XRN2: variants seen among roughly 807,000 people sequenced by gnomAD.
XRN2 encodes the protein 5'-3' exoribonuclease 2.
In XRN2, 44 loss-of-function variants were observed where a neutral mutation model predicts 138.5. The ratio of observed to expected loss-of-function variants is 0.32; its 90% CI spans 0.25 to 0.41. XRN2 has a LOEUF of 0.41. XRN2 is among the 10% of genes least tolerant of loss of function. The probability of loss-of-function intolerance (pLI) is 1.00; values close to 1 mark genes in which losing one functional copy is unlikely to be tolerated. For missense variants in XRN2, 937 were observed against 1,169.3 expected, an observed-to-expected ratio of 0.80 and a Z score of 2.90; for synonymous variants, 354 against 369.4, an observed-to-expected ratio of 0.96 and a Z score of 0.48.
Position 21,368,488 on chromosome 20 carries a change from A to G in XRN2, c.2482A>G (p.Thr828Ala). The change falls in exon 27 of 30, where the codon ACT becomes GCT. Residue 828 changes from threonine (T) to alanine (A), a missense_variant. Transcript: ENST00000377191. ...LGHVMPRGSGTGIYSNAAPPP... is the reference protein window; with the variant it reads ...LGHVMPRGSGAGIYSNAAPPP... Reference sequence around the variant, plus strand: ...CCATGTGATGCCAAGAGGCTCAGGAACTGGCATTTACAGCAATGCTGCACC... The same window carrying G: ...CCATGTGATGCCAAGAGGCTCAGGAGCTGGCATTTACAGCAATGCTGCACC... 4 of 1,614,050 alleles carry G rather than the reference A, an allele frequency of 2.5e-6. No homozygotes were observed. The highest frequency in any genetic ancestry group is 3.4e-6 in the Non-Finnish European group (4 of 1,179,950).
At chr20:21,387,703 T>G (rs541758100) in intron 29 of XRN2, among the ~76,000 whole-genome samples, 1 of 152,302 alleles carries the variant, frequency 6.6e-6, no homozygotes, top group East Asian at 1.9e-4. Context: ...GAATCCTTAC[T>G]AGAGAACAAG....
At chr20:21,316,766 T>A (rs758277492) in intron 1 of XRN2, among the ~76,000 whole-genome samples, 1 of 152,218 alleles carries the variant, frequency 6.6e-6, no homozygotes, top group Non-Finnish European at 1.5e-5. Flanking sequence ...TCCATAAATA[T>A]GGGATGTTAT....
At chr20:21,386,527 G>A (rs749476696) in intron 28 of XRN2, among the ~76,000 whole-genome samples, 2 of 152,106 alleles carry the variant, frequency 1.3e-5, no homozygotes, top group African/African-American at 2.4e-5. Flanking sequence ...TTTACTCTTT[G>A]GATAGCATCT....
intron 27 of XRN2, among the ~76,000 whole-genome samples, chr20:21,370,587 C>CA (rs2038750452): frequency 6.6e-6 from 1 of 152,190 alleles, no homozygotes; most frequent in African/African-American, 2.4e-5. Context: ...ATGCTACCTA[C>CA]AATATAGCCA....
intron 13 of XRN2, among the ~76,000 whole-genome samples, chr20:21,336,573 T>C (rs1371102916): frequency 1.3e-5 from 2 of 152,248 alleles, no homozygotes; most frequent in Admixed American, 6.5e-5. Context: ...TGTTCATTTA[T>C]TAAGCAAATA....
chr20:21,369,399 G>A (rs1412748056), intron 27 of XRN2, among the ~76,000 whole-genome samples: 3 of 152,296 alleles, frequency 2.0e-5, no homozygotes, highest in South Asian at 2.1e-4. Context: ...TCTCCTTGAC[G>A]TACTGATTTC....
intron 1 of XRN2, chr20:21,303,753 C>G: frequency 8.4e-7 from 1 of 1,192,044 alleles, no homozygotes; most frequent in Non-Finnish European, 1.0e-6. Context: ...TTCCCGGCAC[C>G]GGAAGGCCCC....
chr20:21,309,014 G>A (rs559071659), intron 1 of XRN2, among the ~76,000 whole-genome samples: 31 of 152,268 alleles, frequency 2.0e-4, no homozygotes, highest in African/African-American at 7.5e-4. Flanking sequence ...GCATTCCTTG[G>A]ATAAACCTCA....
intron 27 of XRN2, among the ~76,000 whole-genome samples, chr20:21,369,093 C>T (rs139934593): frequency 1.1e-3 from 166 of 152,262 alleles, no homozygotes; most frequent in African/African-American, 3.8e-3. Context: ...TGGTAACCGT[C>T]CTTCTACTCT....
In XRN2 at chr20:21,356,163, A is replaced by G. The variant is rs764614930; in HGVS notation, c.2104A>G (p.Thr702Ala). Reference protein sequence around the residue: ...LHDFILELYQTGSTEPVEVPP... With the variant: ...LHDFILELYQAGSTEPVEVPP... ...TGACTTCATTTTAGAGCTGTACCAG[A>G]CAGGTTCCACAGAGGTATGTTACGC... is the stretch of plus-strand genomic sequence containing the variant. The change falls in exon 22 of 30, where the codon ACA becomes GCA. Residue 702 changes from threonine (T) to alanine (A), a missense_variant. This residue lies in a region of XRN2 where 372 missense variants were observed against 414.4 expected (regional missense o/e 0.90). Transcript: ENST00000377191. 4 of 1,607,860 alleles carry G rather than the reference A, an allele frequency of 2.5e-6. No individual in the cohort carries two copies. Among genetic ancestry groups the G allele is most frequent in the Non-Finnish European group, 3.4e-6 (4 of 1,177,622 alleles).
At chr20:21,331,457 C>A in intron 6 of XRN2, 104 bp from the exon 7 acceptor site, 1 of 924,082 alleles carries the variant, frequency 1.1e-6, no homozygotes, top group Non-Finnish European at 1.7e-6. Flanking sequence ...AGAAAATTTT[C>A]CCGTAACACT....
At chr20:21,356,227 T>C (rs571620207) in intron 22 of XRN2, 50 bp downstream of exon 22, 3 of 1,436,740 alleles carry the variant, frequency 2.1e-6, no homozygotes, top group African/African-American at 1.4e-5. Flanking sequence ...AAAATTTTGG[T>C]AAAATATGCA....
chr20:21,330,456 A>T lies in XRN2; in HGVS notation c.428-25A>T, dbSNP rs748466414. 3 of 1,611,330 alleles carry T rather than the reference A, an allele frequency of 1.9e-6. No homozygotes were observed. In the South Asian group the frequency reaches 3.3e-5, roughly 18 times the overall value. On this transcript the variant is annotated intron_variant, in intron 4 of 29. Transcript: ENST00000377191. Reference sequence around the variant, plus strand: ...ATTTATCTCACTTTTTATGGGGAGAACAAAACGTTGCCTCTTTTCTCTAGG... The same window carrying T: ...ATTTATCTCACTTTTTATGGGGAGATCAAAACGTTGCCTCTTTTCTCTAGG...
chr20:21,318,653 AT>A (rs2037994667), intron 1 of XRN2, among the ~76,000 whole-genome samples: 1 of 151,818 alleles, frequency 6.6e-6, no homozygotes, highest in Non-Finnish European at 1.5e-5. Context: ...TTGTGTCTTC[AT>A]TTGTATTGAT....
intron 14 of XRN2, among the ~76,000 whole-genome samples, chr20:21,340,046 C>CT: frequency 6.6e-6 from 1 of 152,266 alleles, no homozygotes; most frequent in Admixed American, 6.5e-5. Context: ...TCAGCCAAGA[C>CT]TATCACCTAT....
intron 27 of XRN2, among the ~76,000 whole-genome samples, chr20:21,369,180 C>T (rs1433264265): frequency 6.6e-6 from 1 of 152,156 alleles, no homozygotes; most frequent in Non-Finnish European, 1.5e-5. Flanking sequence ...TCTTTTTGTG[C>T]CTGACTTGTT....
In XRN2 at chr20:21,368,507, C is replaced by A; in HGVS notation, c.2501C>A (p.Ala834Asp). 6.2e-7 allele frequency: 1 copy of A among 1,614,050 alleles called. No homozygotes were observed. Among genetic ancestry groups the A allele is most frequent in the Non-Finnish European group, 8.5e-7 (1 of 1,179,950 alleles). Residue 834 changes from alanine to aspartate, a missense_variant, in exon 27 of 30, where the codon GCT becomes GAT. By Grantham distance (126) the Ala-to-Asp change is moderately radical (BLOSUM62 -2). Around this residue, in one of 6 missense-constraint regions of XRN2, gnomAD observed 372 missense variants for 414.4 expected, o/e 0.90. Coordinates refer to ENST00000377191, the MANE Select transcript of XRN2 (RefSeq NM_012255.5). ...RGSGTGIYSN[A>D]APPPVTYQGN... Reference sequence around the variant, plus strand: ...TCAGGAACTGGCATTTACAGCAATGCTGCACCACCACCTGTGACTTACCAG... The same window carrying A: ...TCAGGAACTGGCATTTACAGCAATGATGCACCACCACCTGTGACTTACCAG...
intron 1 of XRN2, among the ~76,000 whole-genome samples, chr20:21,322,473 G>A (rs1273527654): frequency 6.6e-6 from 1 of 152,058 alleles, no homozygotes; most frequent in East Asian, 1.9e-4. Flanking sequence ...GTATGGTTTG[G>A]CATATGACTT....
At chr20:21,364,311 T>C (rs2038670070) in intron 24 of XRN2, among the ~76,000 whole-genome samples, 1 of 152,186 alleles carries the variant, frequency 6.6e-6, no homozygotes, top group Non-Finnish European at 1.5e-5. Flanking sequence ...TTATGAATAA[T>C]AGTGTTATAA....
Sources: gnomAD v4.1 joint callset for allele counts (sites outside exome capture counted in the v4.1 genomes callset) on GRCh38, gnomAD v4.1.1 for gene constraint, gnomAD v4.1.1 regional missense constraint, MANE v1.5 for transcripts, NCBI Gene and HGNC (gene_info 2026-07-23, HGNC 2026-07-21) for gene names.